Variants in SPDYE5 observed in about 807,000 individuals in gnomAD.
SPDYE5 encodes the protein speedy protein E5.
In SPDYE5, 15 loss-of-function variants were observed where a neutral mutation model predicts 48.5. The observed-to-expected ratio is 0.31, with a 90% CI of 0.21 to 0.48. SPDYE5 has a LOEUF of 0.48. Ranked by LOEUF, SPDYE5 falls within the 20% of genes least tolerant of loss-of-function variation. SPDYE5 has a pLI of 0.99. For synonymous variants in SPDYE5, 116 were observed against 200.7 expected, an observed-to-expected ratio of 0.58 and a Z score of 3.57; for missense variants, 331 against 549.1, an observed-to-expected ratio of 0.60 and a Z score of 3.97.
rs1464667361 is a variant in SPDYE5 at position 75,502,875 on chromosome 7, T to C, written c.*88T>C. ...AGATGTGGATTTTCAGCAGGAACTT[T>C]ATTCCAATGCTAATGGCAGACACCA... On this transcript the variant is annotated 3_prime_UTR_variant, in exon 9 of 9. Coordinates refer to ENST00000625065, the MANE Select transcript of SPDYE5 (RefSeq NM_001306141.4). The C allele has an allele frequency of 3.3e-6, 3 of 908,296 alleles. No individual in the cohort carries two copies. The South Asian group carries it at 4.4e-5, about 13-fold the overall frequency. 56.3% of individuals were successfully genotyped at this position (908,296 alleles called of 1,614,324 possible). A position where few individuals can be genotyped will look rare whatever the true frequency, so the allele number is the denominator to read the frequency against.
In SPDYE5 at chr7:75,493,977, T is replaced by C; in HGVS notation, c.-71T>C. On this transcript the variant is annotated 5_prime_UTR_variant, in exon 2 of 9. Coordinates refer to ENST00000625065, the MANE Select transcript of SPDYE5 (RefSeq NM_001306141.4). ...GTATCTTCTCAGAGCTGTTCTCCAC[T>C]CCTGACTTCTCCTAGGCTTGAGAAT... The C allele has an allele frequency of 6.6e-7, 1 of 1,514,926 alleles. No individual in the cohort carries two copies. Among genetic ancestry groups the C allele is most frequent in the Non-Finnish European group, 8.8e-7 (1 of 1,136,968 alleles). 93.8% of individuals were successfully genotyped at this position (1,514,926 alleles called of 1,614,324 possible).
Position 75,501,641 on chromosome 7 carries a change from G to A in SPDYE5, c.1035G>A (p.Met345Ile). The change falls in exon 7 of 9, where the codon ATG becomes ATA. Residue 345 changes from methionine (M) to isoleucine (I), a missense_variant. Met to Ile is a conservative substitution (Grantham distance 10). Coordinates refer to ENST00000625065, the MANE Select transcript of SPDYE5 (RefSeq NM_001306141.4). ...RKRRFQLGRS[M>I]NLRARKNRSQ... is the part of the protein sequence containing the mutation. ...GTCGGTTCCAGTTAGGCCGTTCCAT[G>A]AACCTGAGGGCCAGGAAGAACCGCT... 1.2e-6 allele frequency: 2 copies of A among 1,613,684 alleles called. No homozygotes were observed. Among genetic ancestry groups the A allele is most frequent in the South Asian group, 1.1e-5 (1 of 91,056 alleles).
At chr7:75,498,359 G>A (rs1192772870) in intron 5 of SPDYE5, among the ~76,000 whole-genome samples, 1 of 151,908 alleles carries the variant, frequency 6.6e-6, no homozygotes, top group African/African-American at 2.4e-5. Flanking sequence ...CCTGACCTCA[G>A]GCGATCCACC....
chr7:75,499,719 G>T (rs1793070931), intron 6 of SPDYE5, among the ~76,000 whole-genome samples: 2 of 139,628 alleles, frequency 1.4e-5, no homozygotes, highest in South Asian at 2.3e-4. Flanking sequence ...GTAAGCTAAG[G>T]TCGAGCCACC....
intron 8 of SPDYE5, 61 bp downstream of exon 8, chr7:75,502,043 A>C: frequency 6.6e-7 from 1 of 1,522,320 alleles, no homozygotes; most frequent in South Asian, 1.2e-5. Context: ...AAATCCGAAG[A>C]ACCCAATTGC....
chr7:75,498,887 T>C (rs1793040312), intron 5 of SPDYE5, among the ~76,000 whole-genome samples: 1 of 151,884 alleles, frequency 6.6e-6, no homozygotes, highest in Non-Finnish European at 1.5e-5. Context: ...GCCGCAGCCC[T>C]GAAGCTCCTG....
chr7:75,491,803 T>G (rs1255984491), upstream of SPDYE5, among the ~76,000 whole-genome samples: 8 of 143,570 alleles, frequency 5.6e-5, no homozygotes, highest in East Asian at 1.9e-3. Context: ...ACCTCTGCCT[T>G]CCAGGTTCAA....
chr7:75,491,968 G>A (rs1554481810), upstream of SPDYE5, among the ~76,000 whole-genome samples: 3 of 151,872 alleles, frequency 2.0e-5, no homozygotes, highest in Admixed American at 6.6e-5. Context: ...GTCTGCCTCT[G>A]CTTCTTAAAG....
At chr7:75,492,230 A>G (rs1377475156), upstream of SPDYE5, among the ~76,000 whole-genome samples, 6 of 152,154 alleles carry the variant, frequency 3.9e-5, no homozygotes, top group Non-Finnish European at 8.8e-5. Context: ...GAGAGAGAGC[A>G]AACGATTTTG....
chr7:75,503,011 G>C lies in SPDYE5; in HGVS notation c.*224G>C. 1 of 419,152 alleles carries C rather than the reference G, an allele frequency of 2.4e-6. No homozygotes were observed. The highest frequency in any genetic ancestry group is 4.6e-6 in the Non-Finnish European group (1 of 216,090). The allele number at this position is 419,152 out of a possible 1,614,324, so 26.0% of individuals were successfully genotyped here. On this transcript the variant is annotated 3_prime_UTR_variant, in exon 9 of 9. Coordinates refer to ENST00000625065, the MANE Select transcript of SPDYE5 (RefSeq NM_001306141.4). ...CCTCCTAGGAGCAGGGGTGGGGGGA[G>C]GGGGGTGGGGTCCTTCTAGGAGTCC...
intron 6 of SPDYE5, among the ~76,000 whole-genome samples, chr7:75,500,030 G>A (rs1255096338): frequency 8.2e-6 from 1 of 121,720 alleles, no homozygotes; most frequent in Non-Finnish European, 1.7e-5. Context: ...CGCATCACTC[G>A]AATCCACTGT....
At chr7:75,493,185 C>T (rs1488589474) in intron 1 of SPDYE5, among the ~76,000 whole-genome samples, 1 of 151,420 alleles carries the variant, frequency 6.6e-6, no homozygotes, top group Non-Finnish European at 1.5e-5. Flanking sequence ...GAGTTCAGAG[C>T]AATACATATG....
At position 75,503,883 on chromosome 7, in the gene SPDYE5, A is replaced by G. The variant is rs1450714398; in HGVS notation, c.*1096A>G. ...CTATTTTTGAATAGATGCTGTTTCT[A>G]TAAAGCTGTGTGATGGGTGTTATAA... On this transcript the variant is annotated 3_prime_UTR_variant, in exon 9 of 9. Transcript: ENST00000625065. 9 of 151,670 alleles carry G rather than the reference A, an allele frequency of 5.9e-5. No homozygotes were observed. The highest frequency in any genetic ancestry group is 2.2e-4 in the African/African-American group (9 of 41,374). 9.4% of individuals were successfully genotyped at this position (151,670 alleles called of 1,614,324 possible).
chr7:75,497,071 G>T (rs1228209845), intron 4 of SPDYE5, among the ~76,000 whole-genome samples, 167 bp downstream of exon 4: 1 of 151,852 alleles, frequency 6.6e-6, no homozygotes, highest in African/African-American at 2.4e-5. Context: ...AGATGATAAA[G>T]GATTAGGTCA....
Position 75,503,226 on chromosome 7 carries a change from C to G in SPDYE5, c.*439C>G. ...CAGGGGCTCAGATTGGCACAGATTT[C>G]TTCTGTGAAATATCAGTGCCACAGA... On this transcript the variant is annotated 3_prime_UTR_variant, in exon 9 of 9. Transcript: ENST00000625065. The G allele has an allele frequency of 3.0e-6, 1 of 337,496 alleles. No individual in the cohort carries two copies. Among genetic ancestry groups the G allele is most frequent in the South Asian group, 2.3e-5 (1 of 43,826 alleles). The allele number at this position is 337,496 out of a possible 1,614,324, so 20.9% of individuals were successfully genotyped here.
chr7:75,496,078 G>C (rs1792917140), intron 3 of SPDYE5, among the ~76,000 whole-genome samples: 1 of 150,238 alleles, frequency 6.7e-6, no homozygotes, highest in South Asian at 2.1e-4. Context: ...CACGTGAGGA[G>C]GGTGTGTGGG....
At chr7:75,491,714 T>G (rs1554481759), upstream of SPDYE5, among the ~76,000 whole-genome samples, 1 of 122,524 alleles carries the variant, frequency 8.2e-6, no homozygotes, top group African/African-American at 3.3e-5. Flanking sequence ...TTTTTTTTTT[T>G]TTTTTTTTTT....
chr7:75,500,590 G>A (rs1793108232), intron 6 of SPDYE5, among the ~76,000 whole-genome samples: 2 of 151,184 alleles, frequency 1.3e-5, no homozygotes, highest in African/African-American at 2.4e-5. Context: ...CTGGAGTGCA[G>A]TGGTGAGATC....
chr7:75,497,163 T>C (rs1286282060), intron 4 of SPDYE5, among the ~76,000 whole-genome samples: 1 of 151,932 alleles, frequency 6.6e-6, no homozygotes, highest in Admixed American at 6.6e-5. Context: ...TCCCAGCATG[T>C]TGGGAGGCTG....
Sources: gnomAD v4.1 joint callset for allele counts (sites outside exome capture counted in the v4.1 genomes callset) on GRCh38, gnomAD v4.1.1 for gene constraint, MANE v1.5 for transcripts, NCBI Gene and HGNC (gene_info 2026-07-23, HGNC 2026-07-21) for gene names.